The following ERN2 variants were observed in gnomAD, a reference collection of about 807,000 sequenced individuals.
The protein encoded by ERN2 is serine/threonine-protein kinase/endoribonuclease IRE2.
A neutral mutation model predicts 107.9 loss-of-function variants in ERN2; 111 were observed. The ratio of observed to expected loss-of-function variants is 1.03; its 90% CI spans 0.88 to 1.20. ERN2 has a LOEUF of 1.20. Ranked by LOEUF, ERN2 falls within the 50% of genes most tolerant of loss-of-function variation. The pLI is 0.00. For missense variants in ERN2, 1,225 were observed against 1,197.9 expected, an observed-to-expected ratio of 1.02 and a Z score of -0.33; for synonymous variants, 524 against 501.7, an observed-to-expected ratio of 1.04 and a Z score of -0.59.
At chr16:23,692,116 A>T (rs770134766) in intron 18 of ERN2, 26 bp from the exon 19 acceptor site, 4 of 1,613,618 alleles carry the variant, frequency 2.5e-6, no homozygotes, top group Non-Finnish European at 3.4e-6. Flanking sequence ...GGAGGAGGAG[A>T]GTCTGCTTCA....
chr16:23,708,218 C>T (rs1960400792), intron 4 of ERN2, among the ~76,000 whole-genome samples: 1 of 152,120 alleles, frequency 6.6e-6, no homozygotes, highest in South Asian at 2.1e-4. Flanking sequence ...CCAAAGGATA[C>T]TGCATGATAT....
intron 13 of ERN2, 49 bp downstream of exon 13, chr16:23,700,490 C>A: frequency 6.5e-7 from 1 of 1,546,590 alleles, no homozygotes; most frequent in Non-Finnish European, 8.7e-7. Flanking sequence ...AAATCTGCCC[C>A]TGGCTTTTCT....
rs1173674239 is a variant in ERN2 at position 23,694,819 on chromosome 16, C to T, written c.2009G>A (p.Gly670Asp). Residue 670 changes from glycine (G) to aspartate (D), a missense_variant, in exon 17 of 22, where the codon GGC becomes GAC. By Grantham distance (94) the Gly-to-Asp change is moderately conservative (BLOSUM62 -1). Transcript: ENST00000256797. ...GGAGTGGAGGCTGAAGCTACAGCGG[C>T]CAGCAGGCAGCTTCTTGCAGAGGCC... ...DFGLCKKLPA[G>D]RCSFSLHSGI... 2 of 1,613,896 alleles carry T rather than the reference C, an allele frequency of 1.2e-6. No homozygotes were observed. Among genetic ancestry groups the T allele is most frequent in the African/African-American group, 1.3e-5 (1 of 74,932 alleles).
At chr16:23,696,832 C>G (rs1310096426) in intron 13 of ERN2, 2 of 152,032 alleles carry the variant, frequency 1.3e-5, no homozygotes, top group Non-Finnish European at 2.9e-5. Context: ...TGAGAACACT[C>G]TACTTTATAA....
chr16:23,690,742 ACTGCACCCAGCCTGATT>A lies in ERN2; in HGVS notation c.*72_*88del. On this transcript the variant is annotated 3_prime_UTR_variant, in exon 22 of 22. Coordinates refer to ENST00000256797, the MANE Select transcript of ERN2 (RefSeq NM_033266.4). ...AATGCTGGGATTACAGGTGTGAGCC[ACTGCACCCAGCCTGATT>A]CTGAGGCCAGCCACAGGCTCAGCTC... The A allele has an allele frequency of 1.2e-6, 1 of 801,532 alleles. No individual in the cohort carries two copies. Among genetic ancestry groups the A allele is most frequent in the South Asian group, 2.0e-5 (1 of 50,470 alleles). The allele number at this position is 801,532 out of a possible 1,614,324, so 49.7% of individuals were successfully genotyped here. A position where few individuals can be genotyped will look rare whatever the true frequency, so the allele number is the denominator to read the frequency against.
intron 19 of ERN2, among the ~76,000 whole-genome samples, 174 bp from the exon 20 acceptor site, chr16:23,691,599 C>T (rs933757884): frequency 6.6e-6 from 1 of 152,254 alleles, no homozygotes; most frequent in Non-Finnish European, 1.5e-5. Flanking sequence ...GAGCTTGGTA[C>T]TGCTGTCCCT....
Position 23,693,597 on chromosome 16 carries a change from A to T in ERN2, c.2100+1131T>A, listed in dbSNP as rs1056662814. 3.5e-3 allele frequency among the ~76,000 whole-genome samples: 497 copies of T among 140,288 alleles called. 1 individual carries two copies. The highest frequency in any genetic ancestry group is 6.0e-3 in the Non-Finnish European group (393 of 65,548). The allele number at this position is 140,288 out of a possible 152,430, so 92.0% of individuals were successfully genotyped here. A position where few individuals can be genotyped will look rare whatever the true frequency, so the allele number is the denominator to read the frequency against. The stretch of plus-strand genomic sequence containing the variant: ...AGAGCGAAACTCCATCTCAAAAAAA[A>T]AAAAATATATATATATATAGGCCAC... On this transcript the variant is annotated intron_variant, in intron 17 of 21. Coordinates refer to ENST00000256797, the MANE Select transcript of ERN2 (RefSeq NM_033266.4).
chr16:23,700,532 G>A lies in ERN2; in HGVS notation c.1525+7C>T. The A allele has an allele frequency of 6.2e-7, 1 of 1,608,028 alleles. No homozygotes were observed. ...CTGACTGCCCTGTCTTGTTCACACAGGCTCACCTTCAGGGTCGTCGAGTGG... is the reference window on the plus strand; with the variant it reads ...CTGACTGCCCTGTCTTGTTCACACAAGCTCACCTTCAGGGTCGTCGAGTGG... On this transcript the variant is annotated splice_region_variant and intron_variant, in intron 13 of 21. Coordinates refer to ENST00000256797, the MANE Select transcript of ERN2 (RefSeq NM_033266.4).
intron 8 of ERN2, among the ~76,000 whole-genome samples, chr16:23,703,564 C>G (rs1380410475): frequency 6.6e-6 from 1 of 152,160 alleles, no homozygotes; most frequent in Non-Finnish European, 1.5e-5. Context: ...CTAAGATATT[C>G]TTTCTAAAAT....
chr16:23,706,655 T>G, intron 6 of ERN2, 99 bp downstream of exon 6: 1 of 869,534 alleles, frequency 1.2e-6, no homozygotes, highest in Non-Finnish European at 1.9e-6. Flanking sequence ...ACTAACAGAC[T>G]GACTGTCCTG....
Position 23,700,455 on chromosome 16 carries a change from C to T in ERN2, c.1525+84G>A, listed in dbSNP as rs74372609. ...AGACCTAACCACCCCACTATAGTGGCTTTTAATAAACCAGCTTTGCAGCTA... is the reference window on the plus strand; with the variant it reads ...AGACCTAACCACCCCACTATAGTGGTTTTTAATAAACCAGCTTTGCAGCTA... On this transcript the variant is annotated intron_variant, in intron 13 of 21. Transcript: ENST00000256797. 1.2e-3 allele frequency: 1,782 copies of T among 1,431,240 alleles called. 24 individuals are homozygous for T. The African/African-American group carries it at 0.023, about 19-fold the overall frequency. The allele number at this position is 1,431,240 out of a possible 1,614,324, so 88.7% of individuals were successfully genotyped here.
chr16:23,708,713 CA>C (rs1960423350), intron 4 of ERN2, among the ~76,000 whole-genome samples: 1 of 152,068 alleles, frequency 6.6e-6, no homozygotes, highest in South Asian at 2.1e-4. Context: ...AAGTGGGTGG[CA>C]CCTCCTCCCT....
At chr16:23,708,960 G>A (rs1960433267) in intron 4 of ERN2, among the ~76,000 whole-genome samples, 1 of 152,164 alleles carries the variant, frequency 6.6e-6, no homozygotes, top group Non-Finnish European at 1.5e-5. Context: ...ATCCCTTGTG[G>A]TTTCCTATAC....
At position 23,706,407 on chromosome 16, in the gene ERN2, G is replaced by A. The variant is rs527734365; in HGVS notation, c.512C>T (p.Pro171Leu). 8 of 1,574,764 alleles carry A rather than the reference G, an allele frequency of 5.1e-6. No individual in the cohort carries two copies. In the African/African-American group the frequency reaches 1.1e-4, roughly 21 times the overall value. The change falls in exon 7 of 22, where the codon CCA becomes CTA. Residue 171 changes from proline (P) to leucine (L), a missense_variant. By Grantham distance (98) the Pro-to-Leu change is moderately conservative. Transcript: ENST00000256797. ...GTTCCAGCGCAGGGCTGGGGCTCTT[G>A]GGTCATGCATGGTGACCGTATACTC... is the stretch of plus-strand genomic sequence containing the variant. ...RTQYTVTMHD[P>L]RAPALRWNTT... is the part of the protein sequence containing the mutation.
Position 23,695,251 on chromosome 16 carries a change from T to A in ERN2, c.1749A>T (p.Gly583=). The A allele has an allele frequency of 6.2e-7, 1 of 1,613,866 alleles. No individual in the cohort carries two copies. The highest frequency in any genetic ancestry group is 8.5e-7 in the Non-Finnish European group (1 of 1,179,982). ...NVLRYFCTER[G]PQFHYIALEL... The stretch of plus-strand genomic sequence containing the variant: ...CCAGGGCAATGTAGTGGAACTGGGG[T>A]CCCCGCTCGGTGCAGAAGTAGCGGA... The change falls in exon 15 of 22, where the codon GGA becomes GGT. Residue 583 remains glycine (G), a synonymous_variant. Coordinates refer to ENST00000256797, the MANE Select transcript of ERN2 (RefSeq NM_033266.4).
rs1219369056 is a variant in ERN2, at chr16:23,701,008, C to T, written c.1310G>A (p.Ser437Asn). 1 of 1,614,204 alleles carries T rather than the reference C, an allele frequency of 6.2e-7. No homozygotes were observed. The highest frequency in any genetic ancestry group is 8.5e-7 in the Non-Finnish European group (1 of 1,180,026). ...CCCTCCCAGGAGGACAGCAGTGAGG[C>T]TAGCTGCCAGCAGGTCTTGGGGTCC... ...GLGPQDLLAA[S>N]LTAVLLGGWI... Residue 437 changes from serine (S) to asparagine (N), a missense_variant, in exon 12 of 22, where the codon AGC (serine) becomes AAC (asparagine). Transcript: ENST00000256797.
chr16:23,712,148 C>A, intron 1 of ERN2: 1 of 354,186 alleles, frequency 2.8e-6, no homozygotes, highest in Non-Finnish European at 6.0e-6. Flanking sequence ...AGTGGAGGGT[C>A]AGGAAATTAT....
Position 23,711,031 on chromosome 16 carries a change from A to T in ERN2, c.94-13T>A. The T allele has an allele frequency of 6.3e-7, 1 of 1,596,234 alleles. No individual in the cohort carries two copies. ...TGAGAGTATGAACCTGCAAGGGGGT[A>T]GAGACAAAGTCAGCTCTCTGAGGGG... is the stretch of plus-strand genomic sequence containing the variant. On this transcript the variant is annotated splice_polypyrimidine_tract_variant and intron_variant, in intron 1 of 21. Coordinates refer to ENST00000256797, the MANE Select transcript of ERN2 (RefSeq NM_033266.4).
chr16:23,691,653 C>T (rs2141003564), intron 19 of ERN2, among the ~76,000 whole-genome samples: 1 of 152,348 alleles, frequency 6.6e-6, no homozygotes, highest in South Asian at 2.1e-4. Context: ...CATGAAGTCT[C>T]TTGCTCAAGT....
Sources: gnomAD v4.1 joint callset for allele counts (sites outside exome capture counted in the v4.1 genomes callset) on GRCh38, gnomAD v4.1.1 for gene constraint, MANE v1.5 for transcripts, NCBI Gene and HGNC (gene_info 2026-07-23, HGNC 2026-07-21) for gene names.